Variants in GIPR observed in about 807,000 individuals in gnomAD.
GIPR encodes GIP-R.
In GIPR, 74 loss-of-function variants were observed where a neutral mutation model predicts 62.2. The ratio of observed to expected loss-of-function variants is 1.19; its 90% CI spans 0.99 to 1.44. The LOEUF is 1.44. GIPR is among the 40% of genes most tolerant of loss of function. The pLI is 0.00. For missense variants in GIPR, 664 were observed against 611.8 expected (o/e 1.09, Z -0.90); for synonymous variants, 256 against 262.2 (o/e 0.98, Z 0.23).
chr19:45,680,645 A>G (rs1226113868), intron 12 of GIPR, among the ~76,000 whole-genome samples: 1 of 152,036 alleles, frequency 6.6e-6, no homozygotes, highest in Admixed American at 6.6e-5. Context: ...CCTGGGCAAC[A>G]TGGCAAAAAT....
intron 4 of GIPR, among the ~76,000 whole-genome samples, chr19:45,671,847 C>A (rs1975559702): frequency 1.3e-5 from 2 of 151,544 alleles, no homozygotes; most frequent in Admixed American, 1.3e-4. Context: ...GTCTCGAACT[C>A]CTAACCTCAA....
chr19:45,674,157 G>A lies in GIPR; in HGVS notation c.468G>A (p.Leu156=). The A allele has an allele frequency of 6.2e-7, 1 of 1,612,494 alleles. No homozygotes were observed. The highest frequency in any genetic ancestry group is 8.5e-7 in the Non-Finnish European group (1 of 1,178,522). ...CTCTCGCCACACTGCTGCTAGCCCTGCTCATCTTGAGTTTGTTCAGGTGGG... is the reference window on the plus strand; with the variant it reads ...CTCTCGCCACACTGCTGCTAGCCCTACTCATCTTGAGTTTGTTCAGGTGGG... ...SLSLATLLLA[L]LILSLFRRLH... The change falls in exon 6 of 14, where the codon CTG becomes CTA. Residue 156 remains leucine (L), a synonymous_variant. Coordinates refer to ENST00000590918, the MANE Select transcript of GIPR (RefSeq NM_000164.4).
At chr19:45,669,940 C>T (rs1975448478) in intron 2 of GIPR, among the ~76,000 whole-genome samples, 1 of 146,818 alleles carries the variant, frequency 6.8e-6, no homozygotes, top group Non-Finnish European at 1.5e-5. Context: ...CAGAGTGAGA[C>T]TCTGTCTCGG....
In GIPR at chr19:45,677,612, G is replaced by C. The variant is rs190667833; in HGVS notation, c.855-98G>C. 5,056 of 983,954 alleles carry C rather than the reference G, an allele frequency of 5.1e-3. 25 individuals carry two copies. The highest frequency in any genetic ancestry group is 7.5e-3 in the Non-Finnish European group (4,536 of 608,858). 61.0% of individuals were successfully genotyped at this position (983,954 alleles called of 1,614,324 possible). A position where few individuals can be genotyped will look rare whatever the true frequency, so the allele number is the denominator to read the frequency against. ...GGCGGGACCTTAGAGAATGTGTGTG[G>C]TCTCAAGTGCGGTGGGCGGGGCCTA... On this transcript the variant is annotated intron_variant, in intron 9 of 13. Transcript: ENST00000590918.
At chr19:45,678,724 G>A (rs1018483096) in intron 12 of GIPR, among the ~76,000 whole-genome samples, 1 of 152,220 alleles carries the variant, frequency 6.6e-6, no homozygotes, top group Non-Finnish European at 1.5e-5. Flanking sequence ...GGAGCAGCAG[G>A]GACCAGGACA....
At chr19:45,670,764 A>G in intron 3 of GIPR, 30 bp downstream of exon 3, 1 of 1,073,746 alleles carries the variant, frequency 9.3e-7, no homozygotes, top group Non-Finnish European at 1.4e-6. Context: ...GGACGCGGGG[A>G]GGACCTGAGG....
chr19:45,680,541 A>G lies in GIPR; in HGVS notation c.1153-1063A>G, dbSNP rs571224111. 8.6e-5 allele frequency among the ~76,000 whole-genome samples: 13 copies of G among 151,120 alleles called. No homozygotes were observed. The South Asian group carries it at 2.5e-3, about 29-fold the overall frequency. ...AGAGCCAGACCCTGTCTCAAAAAAC[A>G]AAAACAGGCTGGGTGCGTTGGCTCA... On this transcript the variant is annotated intron_variant, in intron 12 of 13. Coordinates refer to ENST00000590918, the MANE Select transcript of GIPR (RefSeq NM_000164.4).
chr19:45,671,298 C>T lies in GIPR; in HGVS notation c.186C>T (p.Asn62=). Residue 62 remains asparagine (N), a synonymous_variant, in exon 4 of 14, where the codon AAC becomes AAT. Coordinates refer to ENST00000590918, the MANE Select transcript of GIPR (RefSeq NM_000164.4). ...GCCCACCCCCAGGCCTCGCCTGTAACGGGTCCTTCGATATGTACGTCTGCT... is the reference window on the plus strand; with the variant it reads ...GCCCACCCCCAGGCCTCGCCTGTAATGGGTCCTTCGATATGTACGTCTGCT... The part of the protein sequence containing the change: ...AAEPPSGLAC[N]GSFDMYVCWD... 3 of 1,611,098 alleles carry T rather than the reference C, an allele frequency of 1.9e-6. No individual in the cohort carries two copies. The highest frequency in any genetic ancestry group is 2.5e-6 in the Non-Finnish European group (3 of 1,178,348).
At chr19:45,671,629 T>C (rs1345626552) in intron 4 of GIPR, among the ~76,000 whole-genome samples, 2 of 152,206 alleles carry the variant, frequency 1.3e-5, no homozygotes, top group Non-Finnish European at 2.9e-5. Flanking sequence ...AGACGGAGTC[T>C]CGCTCTATCG....
chr19:45,675,852 T>C (rs35568293), intron 7 of GIPR, among the ~76,000 whole-genome samples: 41,897 of 151,864 alleles, frequency 0.28, 6,272 homozygotes, highest in East Asian at 0.41. Flanking sequence ...GCTGTGATAG[T>C]GCCAGTGCAA....
intron 8 of GIPR, 32 bp from the exon 9 acceptor site, chr19:45,677,291 G>T (rs1234509143): frequency 1.2e-5 from 18 of 1,471,652 alleles, no homozygotes; most frequent in Non-Finnish European, 1.4e-5. Context: ...CAGCTGCGGC[G>T]GGGTGGGGGG....
chr19:45,678,018 A>C, intron 11 of GIPR, 24 bp downstream of exon 11: 1 of 1,612,576 alleles, frequency 6.2e-7, no homozygotes, highest in Non-Finnish European at 8.5e-7. Flanking sequence ...TTGGGGACCG[A>C]GGGGAAGGGG....
rs142392920 is a variant in GIPR at position 45,676,106 on chromosome 19, G to A, written c.634-843G>A. Among the ~76,000 whole-genome samples the A allele has an allele frequency of 5.0e-3, 765 of 151,830 alleles. 8 individuals carry two copies. The highest frequency in any genetic ancestry group is 0.018 in the African/African-American group (733 of 41,378). ...TAGTCCCAGCTACTCAGGAGGCTGA[G>A]GTAGGAGAATCACTTGAACCTGGGA... On this transcript the variant is annotated intron_variant, in intron 7 of 13. Coordinates refer to ENST00000590918, the MANE Select transcript of GIPR (RefSeq NM_000164.4).
At chr19:45,673,029 A>G in intron 5 of GIPR, 75 bp downstream of exon 5, 1 of 881,128 alleles carries the variant, frequency 1.1e-6, no homozygotes. Flanking sequence ...CAGGGCCTGA[A>G]ACCCCTTGGA....
In GIPR at chr19:45,681,633, C is replaced by T; in HGVS notation, c.1182C>T (p.Phe394=). The T allele has an allele frequency of 6.2e-7, 1 of 1,613,922 alleles. No individual in the cohort carries two copies. The highest frequency in any genetic ancestry group is 8.5e-7 in the Non-Finnish European group (1 of 1,179,958). ...TCCTGGTCAGCGTCCTCTACTGCTT[C>T]ATCAACAAGGAGGTAGGCAGAGACC... is the stretch of plus-strand genomic sequence containing the variant. ...QGFLVSVLYC[F]INKEVQSEIR... The change falls in exon 13 of 14, where the codon TTC becomes TTT. Residue 394 remains phenylalanine, a synonymous_variant. Coordinates refer to ENST00000590918, the MANE Select transcript of GIPR (RefSeq NM_000164.4).
In GIPR at chr19:45,677,657, G is replaced by C. The variant is rs1267383459; in HGVS notation, c.855-53G>C. The C allele has an allele frequency of 8.6e-6, 12 of 1,397,102 alleles. No homozygotes were observed. The Admixed American group carries it at 2.0e-4, about 23-fold the overall frequency. 86.5% of individuals were successfully genotyped at this position (1,397,102 alleles called of 1,614,324 possible). On this transcript the variant is annotated intron_variant, in intron 9 of 13. Coordinates refer to ENST00000590918, the MANE Select transcript of GIPR (RefSeq NM_000164.4). ...GGCCTAGCGAGCAAATGAGCTTGGT[G>C]ATCGGTGAGTCTAGAGTTTTTCTAT... is the stretch of plus-strand genomic sequence containing the variant.
At position 45,677,079 on chromosome 19, in the gene GIPR, A is replaced by G. The variant is rs751994544; in HGVS notation, c.764A>G (p.His255Arg). 2 of 1,613,870 alleles carry G rather than the reference A, an allele frequency of 1.2e-6. No individual in the cohort carries two copies. The highest frequency in any genetic ancestry group is 3.3e-5 in the Admixed American group (2 of 60,008). ...LVLVGGSEEGHFRYYLLLGWG... is the reference protein window; with the variant it reads ...LVLVGGSEEGRFRYYLLLGWG... ...CTCGTGGGAGGCTCCGAGGAGGGCCACTTCCGCTACTACCTGCTCCTCGGC... is the reference window on the plus strand; with the variant it reads ...CTCGTGGGAGGCTCCGAGGAGGGCCGCTTCCGCTACTACCTGCTCCTCGGC... Residue 255 changes from histidine (H) to arginine (R), a missense_variant, in exon 8 of 14, where the codon CAC becomes CGC. By Grantham distance (29) the His-to-Arg change is conservative. Transcript: ENST00000590918.
chr19:45,670,486 C>G, intron 2 of GIPR, 149 bp from the exon 3 acceptor site: 1 of 582,014 alleles, frequency 1.7e-6, no homozygotes. Flanking sequence ...CACCCCAAGA[C>G]TTGGAACTGG....
At chr19:45,677,497 C>A in intron 9 of GIPR, 114 bp downstream of exon 9, 1 of 815,102 alleles carries the variant, frequency 1.2e-6, no homozygotes, top group Non-Finnish European at 2.0e-6. Flanking sequence ...GCTGGGGATA[C>A]GTGGGCGGGA....
Sources: allele counts gnomAD v4.1 joint callset (sites outside exome capture counted in the v4.1 genomes callset), GRCh38; gene constraint gnomAD v4.1.1; transcripts MANE v1.5; gene names NCBI Gene and HGNC (gene_info 2026-07-23, HGNC 2026-07-21).